The following PLPPR2 variants were observed in gnomAD, a reference collection of about 807,000 sequenced individuals.
The protein encoded by PLPPR2 is phospholipid phosphatase related 2, also known as phospholipid phosphatase-related protein type 2.
A neutral mutation model predicts 40.3 loss-of-function variants in PLPPR2; 11 were observed. That is an observed-to-expected ratio of 0.27 (90% CI 0.17 to 0.45). The LOEUF (loss-of-function observed/expected upper bound fraction) is 0.45, where lower values mean the gene tolerates loss of function less well. PLPPR2 is among the 20% of genes least tolerant of loss of function. The probability of loss-of-function intolerance (pLI) is 1.00; values close to 1 mark genes in which losing one functional copy is unlikely to be tolerated. For missense variants in PLPPR2, 497 were observed against 640.7 expected (o/e 0.78, Z 2.42); for synonymous variants, 260 against 290.8 (o/e 0.89, Z 1.08).
Position 11,359,478 on chromosome 19 carries a change from C to A in PLPPR2, c.67-54C>A. On this transcript the variant is annotated intron_variant, in intron 3 of 9. Transcript: ENST00000688289. The surrounding 1 kb of genome is among the most constrained non-coding windows in gnomAD (Gnocchi z 5.6). Reference sequence around the variant, plus strand: ...CTGCCTCTGTGGCCTCAGCTGGAGTCCTGACCTCTCTCTTCTCTCTCCGCC... The same window carrying A: ...CTGCCTCTGTGGCCTCAGCTGGAGTACTGACCTCTCTCTTCTCTCTCCGCC... 6.7e-7 allele frequency: 1 copy of A among 1,484,254 alleles called. No homozygotes were observed. Among genetic ancestry groups the A allele is most frequent in the South Asian group, 1.4e-5 (1 of 70,992 alleles). 91.9% of individuals were successfully genotyped at this position (1,484,254 alleles called of 1,614,324 possible).
chr19:11,361,408 C>G lies in PLPPR2; in HGVS notation c.583C>G (p.Pro195Ala), dbSNP rs766533759. ...VTDQGACAGS[P>A]SLVAAARRAF... Reference sequence around the variant, plus strand: ...TGACCAGGGTGCCTGCGCTGGCAGTCCCAGCCTCGTGGCCGCCGCGCGCCG... The same window carrying G: ...TGACCAGGGTGCCTGCGCTGGCAGTGCCAGCCTCGTGGCCGCCGCGCGCCG... Residue 195 changes from proline (P) to alanine (A), a missense_variant, in exon 6 of 10, where the codon CCC becomes GCC. Pro to Ala is a conservative substitution (Grantham distance 27). Coordinates refer to ENST00000688289, the MANE Select transcript of PLPPR2 (RefSeq NM_001393892.1). The surrounding 1 kb of genome is among the most constrained non-coding windows in gnomAD (Gnocchi z 6.3). 1 of 1,609,182 alleles carries G rather than the reference C, an allele frequency of 6.2e-7. No homozygotes were observed. Among genetic ancestry groups the G allele is most frequent in the South Asian group, 1.1e-5 (1 of 91,044 alleles).
Position 11,363,847 on chromosome 19 carries a change from C to CG in PLPPR2, c.963+17dup, listed in dbSNP as rs1968116871. 2 of 1,611,232 alleles carry CG rather than the reference C, an allele frequency of 1.2e-6. No individual in the cohort carries two copies. Among genetic ancestry groups the CG allele is most frequent in the Non-Finnish European group, 1.7e-6 (2 of 1,178,448 alleles). On this transcript the variant is annotated intron_variant, in intron 8 of 9. Coordinates refer to ENST00000688289, the MANE Select transcript of PLPPR2 (RefSeq NM_001393892.1). The surrounding 1 kb of genome is among the most constrained non-coding windows in gnomAD (Gnocchi z 4.8). ...TAAGTGTGGCGCAGGTAAGGGGGGC[C>CG]GGGGGCTGCTCCCGGCTGGAGAGGG...
rs1968152933 is a variant in PLPPR2 at position 11,364,888 on chromosome 19, G to A, written c.*198G>A. The stretch of plus-strand genomic sequence containing the variant: ...GATATCCCGATGGGCACAAATGGAA[G>A]GTGCGCACTTGCCCCTACTATTGCC... On this transcript the variant is annotated 3_prime_UTR_variant, in exon 10 of 10. Coordinates refer to ENST00000688289, the MANE Select transcript of PLPPR2 (RefSeq NM_001393892.1). This position sits in a 1 kb window ranked among gnomAD's most constrained non-coding sequence, Gnocchi z 5.8. The A allele has an allele frequency of 1.5e-6, 1 of 655,578 alleles. No individual in the cohort carries two copies. Among genetic ancestry groups the A allele is most frequent in the African/African-American group, 1.8e-5 (1 of 54,706 alleles). The allele number at this position is 655,578 out of a possible 1,614,324, so 40.6% of individuals were successfully genotyped here.
At position 11,363,807 on chromosome 19, in the gene PLPPR2, G is replaced by T; in HGVS notation, c.935G>T (p.Ser312Ile). The T allele has an allele frequency of 6.2e-7, 1 of 1,614,140 alleles. No individual in the cohort carries two copies. Among genetic ancestry groups the T allele is most frequent in the Non-Finnish European group, 8.5e-7 (1 of 1,180,002 alleles). ...EDLGQAPTMD[S>I]PLEKLSVAQE... ...CTGGGCCAAGCCCCCACCATGGATAGCCCCCTCGAAAAGTTAAGTGTGGCG... is the reference window on the plus strand; with the variant it reads ...CTGGGCCAAGCCCCCACCATGGATATCCCCCTCGAAAAGTTAAGTGTGGCG... Residue 312 changes from serine to isoleucine, a missense_variant, in exon 8 of 10, where the codon AGC becomes ATC. Physicochemically the swap from Ser to Ile is moderately radical, Grantham distance 142. Coordinates refer to ENST00000688289, the MANE Select transcript of PLPPR2 (RefSeq NM_001393892.1). The surrounding 1 kb of genome is among the most constrained non-coding windows in gnomAD (Gnocchi z 4.8).
In PLPPR2 at chr19:11,362,319, ACC is replaced by A. The variant is rs3833252; in HGVS notation, c.664-185_664-184del. 26 of 346,134 alleles carry A rather than the reference ACC, an allele frequency of 7.5e-5. No individual in the cohort carries two copies. Among genetic ancestry groups the A allele is most frequent in the Middle Eastern group, 8.7e-4 (1 of 1,150 alleles). 21.4% of individuals were successfully genotyped at this position (346,134 alleles called of 1,614,324 possible). On this transcript the variant is annotated intron_variant, in intron 6 of 9. Transcript: ENST00000688289. This position sits in a 1 kb window ranked among gnomAD's most constrained non-coding sequence, Gnocchi z 5.3. ...CGAGACTCCAAGACCTCAATCCCTGACCCCCCCCCCTTTGCCTTTTTGGTCAC... is the reference window on the plus strand; with the variant it reads ...CGAGACTCCAAGACCTCAATCCCTGACCCCCCCCTTTGCCTTTTTGGTCAC...
Position 11,362,326 on chromosome 19 carries a change from C to CCG in PLPPR2, c.664-186_664-185insGC, listed in dbSNP as rs1363378912. On this transcript the variant is annotated intron_variant, in intron 6 of 9. Coordinates refer to ENST00000688289, the MANE Select transcript of PLPPR2 (RefSeq NM_001393892.1). This position sits in a 1 kb window ranked among gnomAD's most constrained non-coding sequence, Gnocchi z 5.3. ...CCAAGACCTCAATCCCTGACCCCCC[C>CCG]CCCTTTGCCTTTTTGGTCACGCTCC... 3.5e-6 allele frequency: 2 copies of CCG among 575,192 alleles called. No homozygotes were observed. The highest frequency in any genetic ancestry group is 3.7e-5 in the African/African-American group (2 of 53,456). The allele number at this position is 575,192 out of a possible 1,614,324, so 35.6% of individuals were successfully genotyped here.
Position 11,363,808 on chromosome 19 carries a change from C to T in PLPPR2, c.936C>T (p.Ser312=), listed in dbSNP as rs1303417628. 6.2e-7 allele frequency: 1 copy of T among 1,614,138 alleles called. No individual in the cohort carries two copies. Among genetic ancestry groups the T allele is most frequent in the Non-Finnish European group, 8.5e-7 (1 of 1,180,002 alleles). ...EDLGQAPTMD[S]PLEKLSVAQE... Reference sequence around the variant, plus strand: ...TGGGCCAAGCCCCCACCATGGATAGCCCCCTCGAAAAGTTAAGTGTGGCGC... The same window carrying T: ...TGGGCCAAGCCCCCACCATGGATAGTCCCCTCGAAAAGTTAAGTGTGGCGC... Residue 312 remains serine, a synonymous_variant, in exon 8 of 10, where the codon AGC becomes AGT. Coordinates refer to ENST00000688289, the MANE Select transcript of PLPPR2 (RefSeq NM_001393892.1). The surrounding 1 kb of genome is among the most constrained non-coding windows in gnomAD (Gnocchi z 4.8).
At chr19:11,356,241 G>A (rs1304349075) in intron 1 of PLPPR2, among the ~76,000 whole-genome samples, 2 of 151,952 alleles carry the variant, frequency 1.3e-5, no homozygotes, top group Non-Finnish European at 2.9e-5. Flanking sequence ...GACTGTTAGT[G>A]TGTGTGTGGC....
At chr19:11,356,057 G>T (rs1266992613) in intron 1 of PLPPR2, among the ~76,000 whole-genome samples, 1 of 152,018 alleles carries the variant, frequency 6.6e-6, no homozygotes, top group Non-Finnish European at 1.5e-5. Flanking sequence ...GACTGTCATT[G>T]TGTGGCTCCT....
intron 2 of PLPPR2, 107 bp from the exon 3 acceptor site, chr19:11,357,553 C>A: frequency 1.4e-6 from 1 of 720,498 alleles, no homozygotes; most frequent in Non-Finnish European, 2.2e-6. Flanking sequence ...GTCTTCAGGG[C>A]CAGGGGTGTG....
rs547982015 is a variant in PLPPR2 at position 11,364,465 on chromosome 19, C to A, written c.1134C>A (p.Pro378=). ...CTCGATTGAGGTCTGAGCCGACGCC[C>A]TTGCCCCTGCCCCTACCCCTGCCAG... ...PRPRLRSEPT[P]LPLPLPLPAP... Residue 378 remains proline (P), a synonymous_variant, in exon 10 of 10, where the codon CCC becomes CCA. Transcript: ENST00000688289. This position sits in a 1 kb window ranked among gnomAD's most constrained non-coding sequence, Gnocchi z 5.8. The A allele has an allele frequency of 6.6e-7, 1 of 1,511,956 alleles. No homozygotes were observed. The highest frequency in any genetic ancestry group is 1.3e-5 in the South Asian group (1 of 78,244). The allele number at this position is 1,511,956 out of a possible 1,614,324, so 93.7% of individuals were successfully genotyped here.
Position 11,361,841 on chromosome 19 carries a change from C to T in PLPPR2, c.663+353C>T, listed in dbSNP as rs1968055498. Among the ~76,000 whole-genome samples the T allele has an allele frequency of 6.6e-6, 1 of 152,148 alleles. No homozygotes were observed. On this transcript the variant is annotated intron_variant, in intron 6 of 9. Transcript: ENST00000688289. This position sits in a 1 kb window ranked among gnomAD's most constrained non-coding sequence, Gnocchi z 6.3. ...AGCCAGGCCCCCAGGATGCTACAGG[C>T]GCTAGATATTAGCTGGCAGACTGGG...
At position 11,362,810 on chromosome 19, in the gene PLPPR2, CATT is replaced by C; in HGVS notation, c.840+123_840+125del. The C allele has an allele frequency of 9.3e-7, 1 of 1,079,690 alleles. No individual in the cohort carries two copies. 66.9% of individuals were successfully genotyped at this position (1,079,690 alleles called of 1,614,324 possible). A position where few individuals can be genotyped will look rare whatever the true frequency, so the allele number is the denominator to read the frequency against. On this transcript the variant is annotated intron_variant, in intron 7 of 9. Transcript: ENST00000688289. This position sits in a 1 kb window ranked among gnomAD's most constrained non-coding sequence, Gnocchi z 5.3. The stretch of plus-strand genomic sequence containing the variant: ...GTGTGACCTTGGGCCAATCCCTTAA[CATT>C]ACCCTTCCTGGATATTCTCATCTGT...
rs949366803 is a variant in PLPPR2, at chr19:11,359,023, CTTTT to C, written c.67-507_67-504del. Among the ~76,000 whole-genome samples, 2 of 151,292 alleles carry C rather than the reference CTTTT, an allele frequency of 1.3e-5. No homozygotes were observed. Among genetic ancestry groups the C allele is most frequent in the African/African-American group, 4.9e-5 (2 of 41,174 alleles). Reference sequence around the variant, plus strand: ...AGCCACGTTTTAATTTTTTTTCTTTCTTTTTGTCTTTCAGCCATTCCTTTTCCTT... The same window carrying C: ...AGCCACGTTTTAATTTTTTTTCTTTCTGTCTTTCAGCCATTCCTTTTCCTT... On this transcript the variant is annotated intron_variant, in intron 3 of 9. Transcript: ENST00000688289. The surrounding 1 kb of genome is among the most constrained non-coding windows in gnomAD (Gnocchi z 5.6).
rs1241290643 is a variant in PLPPR2 at position 11,362,433 on chromosome 19, G to C, written c.664-80G>C. 6.4e-7 allele frequency: 1 copy of C among 1,558,070 alleles called. No individual in the cohort carries two copies. Among genetic ancestry groups the C allele is most frequent in the East Asian group, 2.3e-5 (1 of 44,382 alleles). On this transcript the variant is annotated intron_variant, in intron 6 of 9. Coordinates refer to ENST00000688289, the MANE Select transcript of PLPPR2 (RefSeq NM_001393892.1). This position sits in a 1 kb window ranked among gnomAD's most constrained non-coding sequence, Gnocchi z 5.3. ...TCCAGCCCCAACGCTCTGGCCATGC[G>C]CTCTAGCCCAGAAAGGAGCGTCCAC... is the stretch of plus-strand genomic sequence containing the variant.
At chr19:11,360,381 CAGCTACTTGGGATTACT>C (rs1396412113) in intron 5 of PLPPR2, among the ~76,000 whole-genome samples, 19 of 151,888 alleles carry the variant, frequency 1.3e-4, no homozygotes, top group Admixed American at 1.2e-3. Flanking sequence ...GGCAGAGACT[CAGCTACTTGGGATTACT>C]AGCTACTTGG....
chr19:11,357,539 C>A, intron 2 of PLPPR2, 121 bp from the exon 3 acceptor site: 1 of 608,004 alleles, frequency 1.6e-6, no homozygotes, highest in Non-Finnish European at 2.7e-6. Context: ...CAGGGCCTCC[C>A]CGGGTCTTCA....
In PLPPR2 at chr19:11,364,348, G is replaced by C; in HGVS notation, c.1017G>C (p.Lys339Asn). 2 of 1,517,824 alleles carry C rather than the reference G, an allele frequency of 1.3e-6. No homozygotes were observed. Among genetic ancestry groups the C allele is most frequent in the Non-Finnish European group, 1.8e-6 (2 of 1,134,188 alleles). 94.0% of individuals were successfully genotyped at this position (1,517,824 alleles called of 1,614,324 possible). A position where few individuals can be genotyped will look rare whatever the true frequency, so the allele number is the denominator to read the frequency against. The part of the protein sequence containing the change: ...HSTPARLTPS[K>N]SQNCARRGHL... Reference sequence around the variant, plus strand: ...TGATATCTGGCTTCTGACCACCAGAGTCGCAGAACTGCGCCCGCCGTGGCC... The same window carrying C: ...TGATATCTGGCTTCTGACCACCAGACTCGCAGAACTGCGCCCGCCGTGGCC... The change falls in exon 10 of 10, where the codon AAG (lysine) becomes AAC (asparagine). Residue 339 changes from lysine to asparagine, a missense_variant and splice_region_variant. Transcript: ENST00000688289. The surrounding 1 kb of genome is among the most constrained non-coding windows in gnomAD (Gnocchi z 5.8).
chr19:11,364,180 C>T lies in PLPPR2; in HGVS notation c.983C>T (p.Pro328Leu), dbSNP rs771340897. ...TCTCAGGAACCCGAGGTCTGCAGGC[C>T]GCATTCGACACCGGCACGGCTCACC... ...SVAQEPEVCR[P>L]HSTPARLTPS... The change falls in exon 9 of 10, where the codon CCG becomes CTG. Residue 328 changes from proline to leucine, a missense_variant. By Grantham distance (98) the Pro-to-Leu change is moderately conservative. Coordinates refer to ENST00000688289, the MANE Select transcript of PLPPR2 (RefSeq NM_001393892.1). The surrounding 1 kb of genome is among the most constrained non-coding windows in gnomAD (Gnocchi z 5.8). 10 of 1,612,104 alleles carry T rather than the reference C, an allele frequency of 6.2e-6. No homozygotes were observed. The highest frequency in any genetic ancestry group is 4.5e-5 in the East Asian group (2 of 44,818).
Sources: allele counts gnomAD v4.1 joint callset (sites outside exome capture counted in the v4.1 genomes callset), GRCh38; gene constraint gnomAD v4.1.1; non-coding constraint Gnocchi (gnomAD v3.1); transcripts MANE v1.5; gene names NCBI Gene and HGNC (gene_info 2026-07-23, HGNC 2026-07-21).